Variants in SPON1 observed in about 807,000 individuals in gnomAD.
SPON1 encodes the protein spondin-1.
Under a neutral mutation model 111.7 loss-of-function variants are expected in SPON1, and 52 were observed. The ratio of observed to expected loss-of-function variants is 0.47; its 90% CI spans 0.37 to 0.59. The LOEUF is 0.59. SPON1 is among the 20% of genes least tolerant of loss of function. The probability of loss-of-function intolerance (pLI) is 0.00; values close to 1 mark genes in which losing one functional copy is unlikely to be tolerated. For missense variants in SPON1, 957 were observed against 1,068.5 expected, an observed-to-expected ratio of 0.90 and a Z score of 1.46; for synonymous variants, 410 against 395.8, an observed-to-expected ratio of 1.04 and a Z score of -0.43.
intron 6 of SPON1, among the ~76,000 whole-genome samples, chr11:14,214,831 C>G (rs1465917511): frequency 6.6e-6 from 1 of 152,132 alleles, no homozygotes; most frequent in East Asian, 1.9e-4. Flanking sequence ...TAACAAACTC[C>G]CCCTGTGAGA....
At chr11:14,075,302 C>T in intron 3 of SPON1, 43 bp from the exon 4 acceptor site, 1 of 1,494,740 alleles carries the variant, frequency 6.7e-7, no homozygotes, top group Non-Finnish European at 9.1e-7. Context: ...AACCTGCCTT[C>T]CTGCCCTCCT....
At chr11:14,190,566 T>TTCCTTCTTTGGTTCCTTTCTTCCA (rs1564927493) in intron 6 of SPON1, among the ~76,000 whole-genome samples, 1 of 151,704 alleles carries the variant, frequency 6.6e-6, no homozygotes, top group African/African-American at 2.4e-5. Flanking sequence ...CTTTACTTCC[T>TTCCTTCTTTGGTTCCTTTCTTCCA]TCCTTCTTTG....
chr11:14,238,319 A>AG (rs142116499), intron 6 of SPON1, among the ~76,000 whole-genome samples: 2,617 of 152,182 alleles, frequency 0.017, 75 homozygotes, highest in African/African-American at 0.059. Flanking sequence ...CAGTGCTACC[A>AG]GCAGCAAAGG....
chr11:13,964,096 ACT>A (rs1554907814), intron 1 of SPON1, among the ~76,000 whole-genome samples: 3 of 152,062 alleles, frequency 2.0e-5, no homozygotes, highest in Admixed American at 6.5e-5. Flanking sequence ...AAGACGCCTG[ACT>A]CTGTCCCCAC....
At chr11:14,171,638 A>C (rs1400803831) in intron 6 of SPON1, among the ~76,000 whole-genome samples, 1 of 151,748 alleles carries the variant, frequency 6.6e-6, no homozygotes, top group Non-Finnish European at 1.5e-5. Flanking sequence ...TAGTGCTATA[A>C]ATTTCCCTCT....
intron 2 of SPON1, among the ~76,000 whole-genome samples, chr11:14,034,745 C>T (rs1554916438): frequency 3.9e-5 from 6 of 152,198 alleles, no homozygotes. Context: ...AGACAGATCA[C>T]TCTGAGCTCC....
intron 14 of SPON1, chr11:14,262,366 C>T (rs187382377): frequency 4.2e-4 from 121 of 285,596 alleles, no homozygotes; most frequent in Non-Finnish European, 2.3e-4. Flanking sequence ...GAGTTTGGGA[C>T]TGTGGGAAGC....
At position 14,062,188 on chromosome 11, in the gene SPON1, A is replaced by G. The variant is rs1460208591; in HGVS notation, c.480-13157A>G. ...TTTTCCCAAAAGACAGAATTCAAGC[A>G]GGCCGGTTCACATCATTCAATATTC... is the stretch of plus-strand genomic sequence containing the variant. On this transcript the variant is annotated intron_variant, in intron 3 of 15. Transcript: ENST00000576479. Among the ~76,000 whole-genome samples the G allele has an allele frequency of 3.3e-4, 50 of 152,170 alleles. 1 individual carries two copies. Among genetic ancestry groups the G allele is most frequent in the South Asian group, 4.1e-4 (2 of 4,834 alleles).
intron 7 of SPON1, among the ~76,000 whole-genome samples, chr11:14,252,258 A>G (rs1554940731): frequency 6.6e-6 from 1 of 152,126 alleles, no homozygotes; most frequent in East Asian, 1.9e-4. Context: ...GGCTATGGAG[A>G]CCTGCGCAGA....
chr11:14,141,425 C>T (rs11023102), intron 6 of SPON1, among the ~76,000 whole-genome samples: 60,391 of 151,938 alleles, frequency 0.4, 12,276 homozygotes, highest in East Asian at 0.55. Flanking sequence ...TGAAGAGTCA[C>T]CCATTTATTA....
chr11:14,221,628 G>C (rs1361002873), intron 6 of SPON1, among the ~76,000 whole-genome samples: 3 of 152,194 alleles, frequency 2.0e-5, no homozygotes, highest in Non-Finnish European at 2.9e-5. Flanking sequence ...GAAATGTCTA[G>C]GTGGCCCTAA....
At chr11:14,255,542 G>A (rs1849096921) in intron 8 of SPON1, 105 bp from the exon 9 acceptor site, 3 of 1,029,488 alleles carry the variant, frequency 2.9e-6, no homozygotes, top group Admixed American at 2.2e-5. Context: ...AGTTATGCTT[G>A]TTAAATTCCT....
At chr11:14,058,151 T>G (rs1554919467) in intron 3 of SPON1, among the ~76,000 whole-genome samples, 1 of 152,054 alleles carries the variant, frequency 6.6e-6, no homozygotes, top group African/African-American at 2.4e-5. Flanking sequence ...TGGGCCAAGA[T>G]TTTGATGAGA....
At chr11:14,052,166 T>A (rs782684283) in intron 3 of SPON1, among the ~76,000 whole-genome samples, 3 of 152,132 alleles carry the variant, frequency 2.0e-5, no homozygotes, top group Non-Finnish European at 2.9e-5. Context: ...GTGAGGAAAC[T>A]AAATGTCACT....
At chr11:14,033,410 C>T (rs2133809651) in intron 2 of SPON1, among the ~76,000 whole-genome samples, 1 of 152,314 alleles carries the variant, frequency 6.6e-6, no homozygotes, top group East Asian at 1.9e-4. Context: ...TCAGGTTCAT[C>T]TCTTGAGGCT....
intron 2 of SPON1, among the ~76,000 whole-genome samples, chr11:13,992,709 C>T (rs782040742): frequency 3.9e-5 from 6 of 152,202 alleles, no homozygotes; most frequent in Non-Finnish European, 8.8e-5. Context: ...CAGAGGAAGT[C>T]TCCTGGTTTG....
chr11:14,175,107 C>T (rs1405024772), intron 6 of SPON1, among the ~76,000 whole-genome samples: 3 of 152,102 alleles, frequency 2.0e-5, no homozygotes, highest in South Asian at 4.2e-4. Context: ...GGAATCATTC[C>T]AGAAGCCAAC....
intron 6 of SPON1, among the ~76,000 whole-genome samples, chr11:14,175,735 C>T (rs1554933015): frequency 6.6e-6 from 1 of 152,186 alleles, no homozygotes; most frequent in African/African-American, 2.4e-5. Flanking sequence ...TTCCCTTTCT[C>T]TGCAGTTTCC....
chr11:14,027,123 G>C (rs906635887), intron 2 of SPON1, among the ~76,000 whole-genome samples: 2 of 152,176 alleles, frequency 1.3e-5, no homozygotes, highest in East Asian at 3.9e-4. Context: ...ACTTCTCTCT[G>C]CCGGGAGGCA....
Sources: allele counts gnomAD v4.1 joint callset (sites outside exome capture counted in the v4.1 genomes callset), GRCh38; gene constraint gnomAD v4.1.1; transcripts MANE v1.5; gene names NCBI Gene and HGNC (gene_info 2026-07-23, HGNC 2026-07-21).